Variants in MYBPC2 observed in about 807,000 individuals in gnomAD.
MYBPC2 encodes myosin-binding protein C, fast-type.
In MYBPC2, 122 loss-of-function variants were observed where a neutral mutation model predicts 137.0. The ratio of observed to expected loss-of-function variants is 0.89; its 90% CI spans 0.77 to 1.03. The LOEUF is 1.03. Ranked by LOEUF, MYBPC2 falls within the 50% of genes least tolerant of loss-of-function variation. The probability of loss-of-function intolerance (pLI) is 0.00; values close to 1 mark genes in which losing one functional copy is unlikely to be tolerated. For synonymous variants in MYBPC2, 626 were observed against 612.3 expected (o/e 1.02, Z -0.33); for missense variants, 1,500 against 1,534.4 (o/e 0.98, Z 0.37).
intron 20 of MYBPC2, among the ~76,000 whole-genome samples, chr19:50,456,948 A>G (rs1393146097): frequency 6.6e-6 from 1 of 152,176 alleles, no homozygotes; most frequent in Non-Finnish European, 1.5e-5. Context: ...GCCCAGTGCC[A>G]TGGCTATGGA....
chr19:50,464,552 C>T lies in MYBPC2; in HGVS notation c.3415+20C>T. ...TCCGAGGTGAGGGCGTGGCCATCCC[C>T]AACACTGGCTGACCCTTGCTCGGGC... On this transcript the variant is annotated intron_variant, in intron 27 of 27. Transcript: ENST00000357701. The T allele has an allele frequency of 1.9e-6, 3 of 1,585,452 alleles. No individual in the cohort carries two copies. Among genetic ancestry groups the T allele is most frequent in the Non-Finnish European group, 2.6e-6 (3 of 1,167,588 alleles).
In MYBPC2 at chr19:50,448,288, T is replaced by C; in HGVS notation, c.1370T>C (p.Val457Ala). 1.9e-6 allele frequency: 3 copies of C among 1,613,866 alleles called. No individual in the cohort carries two copies. The highest frequency in any genetic ancestry group is 2.5e-6 in the Non-Finnish European group (3 of 1,179,814). The change falls in exon 13 of 28, where the codon GTG becomes GCG. Residue 457 changes from valine to alanine, a missense_variant. Physicochemically the swap from Val to Ala is moderately conservative, Grantham distance 64. Transcript: ENST00000357701. The part of the protein sequence containing the change: ...DLTVKASEQA[V>A]FKCEVSDEKV... ...ACGGTGAAGGCCTCAGAACAAGCTG[T>C]GTTCAAGTGCGAGGTGTCTGATGAG... is the stretch of plus-strand genomic sequence containing the variant.
At chr19:50,434,494 G>T (rs1210783369) in intron 1 of MYBPC2, among the ~76,000 whole-genome samples, 1 of 152,236 alleles carries the variant, frequency 6.6e-6, no homozygotes, top group Non-Finnish European at 1.5e-5. Context: ...GGATGGGGGA[G>T]CCTCATTTCT....
chr19:50,463,847 G>C (rs2039991041), intron 26 of MYBPC2, among the ~76,000 whole-genome samples: 1 of 151,690 alleles, frequency 6.6e-6, no homozygotes, highest in Admixed American at 6.6e-5. Context: ...GCTGAGGCAG[G>C]ATAATTGCTT....
At chr19:50,441,775 G>T (rs989513861) in intron 8 of MYBPC2, among the ~76,000 whole-genome samples, 1 of 152,006 alleles carries the variant, frequency 6.6e-6, no homozygotes, top group Admixed American at 6.6e-5. Context: ...GGGAGGCAGA[G>T]GTTGTGGTGA....
In MYBPC2 at chr19:50,442,112, TG is replaced by T. The variant is rs542470710; in HGVS notation, c.770-68del. The T allele has an allele frequency of 4.6e-6, 7 of 1,519,794 alleles. No homozygotes were observed. The South Asian group carries it at 7.5e-5, about 16-fold the overall frequency. The allele number at this position is 1,519,794 out of a possible 1,614,324, so 94.1% of individuals were successfully genotyped here. ...CCAGGGCCTGGGGAGGGAGATGTGG[TG>T]CCTCTGGGGATGACCAGGGGAATGA... On this transcript the variant is annotated intron_variant, in intron 8 of 27. Transcript: ENST00000357701.
intron 16 of MYBPC2, among the ~76,000 whole-genome samples, chr19:50,453,784 C>T (rs1471103298): frequency 7.2e-5 from 11 of 152,202 alleles, no homozygotes; most frequent in African/African-American, 2.2e-4. Context: ...AGTTGATCTA[C>T]CCGCCTCGGC....
intron 24 of MYBPC2, among the ~76,000 whole-genome samples, chr19:50,461,146 G>T (rs1283484796): frequency 6.6e-6 from 1 of 152,044 alleles, no homozygotes; most frequent in Non-Finnish European, 1.5e-5. Context: ...TGGGACTACA[G>T]GTGCTGGCCA....
chr19:50,455,891 TC>T (rs970856951), intron 20 of MYBPC2, among the ~76,000 whole-genome samples: 20 of 152,110 alleles, frequency 1.3e-4, no homozygotes, highest in African/African-American at 4.8e-4. Flanking sequence ...TATCCTTCCA[TC>T]CCCCCATTTA....
intron 1 of MYBPC2, among the ~76,000 whole-genome samples, chr19:50,434,135 A>G (rs562942797): frequency 2.6e-5 from 4 of 152,216 alleles, no homozygotes; most frequent in African/African-American, 9.6e-5. Flanking sequence ...AGGTGGGTGG[A>G]TCACCTGAGC....
In MYBPC2 at chr19:50,447,077, T is replaced by C. The variant is rs897349960; in HGVS notation, c.1306+1025T>C. The stretch of plus-strand genomic sequence containing the variant: ...GGCCTTCCTTCCCTCATGCCTGGAC[T>C]GGTGCAGTTGTCTCCTCTCTGGTCA... On this transcript the variant is annotated intron_variant, in intron 12 of 27. Coordinates refer to ENST00000357701, the MANE Select transcript of MYBPC2 (RefSeq NM_004533.4). Among the ~76,000 whole-genome samples the C allele has an allele frequency of 5.1e-4, 78 of 151,816 alleles. 2 individuals carry two copies. The highest frequency in any genetic ancestry group is 2.1e-4 in the Non-Finnish European group (14 of 67,988).
intron 11 of MYBPC2, among the ~76,000 whole-genome samples, chr19:50,445,353 C>T (rs2039793918): frequency 6.6e-6 from 1 of 151,468 alleles, no homozygotes; most frequent in African/African-American, 2.4e-5. Context: ...AGACAATTAA[C>T]TGTGTGTGGC....
rs201834413 is a variant in MYBPC2, at chr19:50,454,143, G to A, written c.1873G>A (p.Gly625Ser). The change falls in exon 17 of 28, where the codon GGC becomes AGC. Residue 625 changes from glycine to serine, a missense_variant. Gly to Ser is a moderately conservative substitution (Grantham distance 56, BLOSUM62 0). Transcript: ENST00000357701. ...RYTIKVTNPV[G>S]EDVASIFLQV... ...CACCATCAAGGTCACCAACCCCGTC[G>A]GCGAGGACGTGGCTTCCATCTTCCT... 1.9e-5 allele frequency: 31 copies of A among 1,613,608 alleles called. No individual in the cohort carries two copies. The highest frequency in any genetic ancestry group is 2.5e-5 in the Non-Finnish European group (29 of 1,179,824).
Position 50,435,675 on chromosome 19 carries a change from G to A in MYBPC2, c.110-101G>A, listed in dbSNP as rs943790565. 1 of 972,226 alleles carries A rather than the reference G, an allele frequency of 1.0e-6. No homozygotes were observed. The highest frequency in any genetic ancestry group is 1.5e-6 in the Non-Finnish European group (1 of 661,340). 60.2% of individuals were successfully genotyped at this position (972,226 alleles called of 1,614,324 possible). A position where few individuals can be genotyped will look rare whatever the true frequency, so the allele number is the denominator to read the frequency against. On this transcript the variant is annotated intron_variant, in intron 2 of 27. Transcript: ENST00000357701. The surrounding 1 kb of genome is among the most constrained non-coding windows in gnomAD (Gnocchi z 4.8). ...CCCCATGATGTTTGGTTTCTGAGTA[G>A]AGGGGCCCTCACTGTCTCTAAGTCC...
chr19:50,456,256 TC>T (rs1568666572), intron 20 of MYBPC2, among the ~76,000 whole-genome samples: 2 of 148,828 alleles, frequency 1.3e-5, no homozygotes, highest in African/African-American at 2.5e-5. Context: ...CATCCATCCA[TC>T]CATCCCTCCA....
chr19:50,461,513 C>T (rs182926321), intron 24 of MYBPC2, 29 bp from the exon 25 acceptor site: 129 of 1,607,002 alleles, frequency 8.0e-5, no homozygotes, highest in Non-Finnish European at 9.9e-5. Flanking sequence ...GGCCCCGACC[C>T]GCCTGGTCCC....
chr19:50,438,514 T>C (rs1462626667), intron 7 of MYBPC2, among the ~76,000 whole-genome samples: 1 of 152,118 alleles, frequency 6.6e-6, no homozygotes, highest in Non-Finnish European at 1.5e-5. Flanking sequence ...GACACGCCCA[T>C]CCACACAGAT....
At chr19:50,451,160 C>T (rs965709432) in intron 14 of MYBPC2, 120 bp from the exon 15 acceptor site, 2 of 1,315,504 alleles carry the variant, frequency 1.5e-6, no homozygotes, top group African/African-American at 1.4e-5. Context: ...GAACCTGTCT[C>T]CAGCACCCCA....
chr19:50,444,879 CAAAAAAAAAAA>C (rs34557075), intron 11 of MYBPC2, among the ~76,000 whole-genome samples: 19 of 67,276 alleles, frequency 2.8e-4, no homozygotes, highest in Admixed American at 6.9e-4. Context: ...GACTCCGTCT[CAAAAAAAAAAA>C]AAAAAAAAAA....
Sources: gnomAD v4.1 joint callset for allele counts (sites outside exome capture counted in the v4.1 genomes callset) on GRCh38, gnomAD v4.1.1 for gene constraint, Gnocchi (gnomAD v3.1) non-coding constraint, MANE v1.5 for transcripts, NCBI Gene and HGNC (gene_info 2026-07-23, HGNC 2026-07-21) for gene names.